RANBP9: variants seen among roughly 807,000 people sequenced by gnomAD.
The protein encoded by RANBP9 is RAN binding protein 9.
In RANBP9, 15 loss-of-function variants were observed where a neutral mutation model predicts 84.3. The observed-to-expected ratio is 0.18, with a 90% CI of 0.12 to 0.27. RANBP9 has a LOEUF of 0.27. RANBP9 is among the 10% of genes least tolerant of loss of function. The probability of loss-of-function intolerance (pLI) is 1.00; values close to 1 mark genes in which losing one functional copy is unlikely to be tolerated. For missense variants in RANBP9, 809 were observed against 912.8 expected (o/e 0.89, Z 1.46); for synonymous variants, 392 against 349.6 (o/e 1.12, Z -1.35).
rs1372978581 is a variant in RANBP9 at position 13,696,730 on chromosome 6, T to C, written c.683+55A>G. ...AACTTTCCAATTACATCATAAACAT[T>C]ATGAACCAAAACAAAAAAACTAGCA... On this transcript the variant is annotated intron_variant, in intron 2 of 13. Transcript: ENST00000011619. The C allele has an allele frequency of 4.9e-6, 7 of 1,441,824 alleles. 1 individual carries two copies. Among genetic ancestry groups the C allele is most frequent in the South Asian group, 4.8e-5 (4 of 82,938 alleles). The allele number at this position is 1,441,824 out of a possible 1,614,324, so 89.3% of individuals were successfully genotyped here.
At chr6:13,705,918 A>G (rs1490513392) in intron 1 of RANBP9, among the ~76,000 whole-genome samples, 2 of 151,440 alleles carry the variant, frequency 1.3e-5, no homozygotes, top group Non-Finnish European at 2.9e-5. Context: ...CGTAATGCTT[A>G]ACAGACATTT....
rs758867882 is a variant in RANBP9 at position 13,711,471 on chromosome 6, T to TGCTGCG, written c.29_34dup (p.Pro10_Gln11dup). The TGCTGCG allele has an allele frequency of 5.6e-6, 7 of 1,239,944 alleles. No homozygotes were observed. The highest frequency in any genetic ancestry group is 3.3e-4 in the Middle Eastern group (1 of 3,054). The allele number at this position is 1,239,944 out of a possible 1,614,324, so 76.8% of individuals were successfully genotyped here. On this transcript the variant is annotated inframe_insertion, in exon 1 of 14. Coordinates refer to ENST00000011619, the MANE Select transcript of RANBP9 (RefSeq NM_005493.3). ...CGACAGCTGCTGCTGCTGTTGCTGC[T>TGCTGCG]GCTGCGGCGGCGGCGGCGGCGGCTG...
rs748662267 is a variant in RANBP9 at position 13,622,408 on chromosome 6, C to G, written c.2144G>C (p.Gly715Ala). The G allele has an allele frequency of 1.9e-6, 3 of 1,600,416 alleles. No individual in the cohort carries two copies. Among genetic ancestry groups the G allele is most frequent in the Non-Finnish European group, 2.6e-6 (3 of 1,172,990 alleles). Residue 715 changes from glycine to alanine, a missense_variant, in exon 14 of 14, where the codon GGA becomes GCA. By Grantham distance (60) the Gly-to-Ala change is moderately conservative. Transcript: ENST00000011619. ...TQCLGLMARSGIGSCAFATVE... is the reference protein window; with the variant it reads ...TQCLGLMARSAIGSCAFATVE... ...TGTGGCAAATGCGCAGGATCCAATT[C>G]CTGATCGAGCCATCAGTCCTAGACA...
intron 8 of RANBP9, among the ~76,000 whole-genome samples, chr6:13,640,779 TTGGGAAGATGGAGAAGTTCTGGAG>T (rs1432690687): frequency 2.6e-5 from 4 of 152,094 alleles, no homozygotes; most frequent in Admixed American, 1.3e-4. Flanking sequence ...GAGTTTCAGT[TTGGGAAGATGGAGAAGTTCTGGAG>T]TCGGATGGTG....
intron 5 of RANBP9, among the ~76,000 whole-genome samples, chr6:13,651,286 GAA>G (rs1562305267): frequency 1.3e-5 from 2 of 152,166 alleles, no homozygotes; most frequent in African/African-American, 4.8e-5. Context: ...AACCTCTACC[GAA>G]GAGAGTTACT....
rs146295151 is a variant in RANBP9, at chr6:13,653,337, A to G, written c.905-656T>C. On this transcript the variant is annotated intron_variant, in intron 4 of 13. Transcript: ENST00000011619. ...TCTAGATACAACTTGAGCAATGGCA[A>G]TATCATTGGAATAAGTCTACTGTCA... Among the ~76,000 whole-genome samples the G allele has an allele frequency of 3.1e-4, 47 of 152,318 alleles. No homozygotes were observed. In the East Asian group the frequency reaches 7.7e-3, roughly 25 times the overall value.
chr6:13,686,426 G>C (rs113029385), intron 2 of RANBP9, among the ~76,000 whole-genome samples: 1,967 of 151,996 alleles, frequency 0.013, 46 homozygotes, highest in African/African-American at 0.045. Context: ...ACTGGGTACA[G>C]GAATGCGCCA....
intron 7 of RANBP9, among the ~76,000 whole-genome samples, chr6:13,641,811 C>G (rs1765070452): frequency 6.6e-6 from 1 of 152,136 alleles, no homozygotes; most frequent in Admixed American, 6.6e-5. Context: ...TAGAAAAGGA[C>G]AGCACACAAT....
intron 3 of RANBP9, among the ~76,000 whole-genome samples, chr6:13,657,486 A>T (rs922906775): frequency 6.6e-6 from 1 of 152,236 alleles, no homozygotes; most frequent in Non-Finnish European, 1.5e-5. Flanking sequence ...TACACAGAAC[A>T]CTAAAACAAA....
At chr6:13,703,844 C>A (rs188707399) in intron 1 of RANBP9, among the ~76,000 whole-genome samples, 1 of 152,336 alleles carries the variant, frequency 6.6e-6, no homozygotes, top group Admixed American at 6.5e-5. Context: ...AGGCTTGTTT[C>A]TTTGGCTTCT....
chr6:13,629,895 GTCTC>G (rs35437953), intron 12 of RANBP9, among the ~76,000 whole-genome samples: 1,624 of 143,864 alleles, frequency 0.011, 15 homozygotes, highest in African/African-American at 0.016. Context: ...TCATGTCTCT[GTCTC>G]TCTCTCTCTC....
chr6:13,658,625 C>CA (rs919237576), intron 3 of RANBP9, among the ~76,000 whole-genome samples, 155 bp downstream of exon 3: 3 of 151,886 alleles, frequency 2.0e-5, no homozygotes, highest in Non-Finnish European at 2.9e-5. Context: ...CAAAACAAAA[C>CA]AAAAAAACCC....
intron 1 of RANBP9, among the ~76,000 whole-genome samples, chr6:13,706,951 A>C (rs541032937): frequency 6.7e-6 from 1 of 150,248 alleles, no homozygotes; most frequent in Non-Finnish European, 1.5e-5. Flanking sequence ...GGCTGCAATG[A>C]GTAGAGATTG....
intron 2 of RANBP9, among the ~76,000 whole-genome samples, chr6:13,683,824 G>C (rs1429088444): frequency 2.6e-5 from 4 of 151,812 alleles, no homozygotes; most frequent in Non-Finnish European, 5.9e-5. Context: ...AACTGACAGA[G>C]TAAGAGGTAA....
At chr6:13,663,640 A>G (rs1765581786) in intron 2 of RANBP9, among the ~76,000 whole-genome samples, 1 of 152,154 alleles carries the variant, frequency 6.6e-6, no homozygotes, top group Admixed American at 6.5e-5. Context: ...TAGAATGGCT[A>G]AAAATAGCAG....
chr6:13,709,081 A>T (rs143213665), intron 1 of RANBP9, among the ~76,000 whole-genome samples: 67 of 152,374 alleles, frequency 4.4e-4, no homozygotes, highest in African/African-American at 1.5e-3. Flanking sequence ...AAAACAACTG[A>T]GACAGCAGTG....
At position 13,644,579 on chromosome 6, in the gene RANBP9, C is replaced by A. The variant is rs1467285843; in HGVS notation, c.1078G>T (p.Asp360Tyr). Residue 360 changes from aspartate (D) to tyrosine (Y), a missense_variant, in exon 6 of 14, where the codon GAT (aspartate) becomes TAT (tyrosine). By Grantham distance (160) the Asp-to-Tyr change is radical (BLOSUM62 -3). Transcript: ENST00000011619. ...QAQIDRFPIG[D>Y]REGEWQTMIQ... is the part of the protein sequence containing the mutation. ...ATGGTCTGCCATTCTCCTTCTCGAT[C>A]TCCGATAGGAAATCGATCTATCTGT... The A allele has an allele frequency of 6.2e-7, 1 of 1,612,916 alleles. No individual in the cohort carries two copies. The highest frequency in any genetic ancestry group is 1.1e-5 in the South Asian group (1 of 90,858).
intron 5 of RANBP9, among the ~76,000 whole-genome samples, chr6:13,652,296 C>T (rs1765315755): frequency 6.6e-6 from 1 of 152,196 alleles, no homozygotes; most frequent in Admixed American, 6.5e-5. Flanking sequence ...AAGCACTTTA[C>T]CTGCCACATA....
At chr6:13,643,771 T>C (rs1023059981) in intron 6 of RANBP9, among the ~76,000 whole-genome samples, 2 of 152,164 alleles carry the variant, frequency 1.3e-5, no homozygotes, top group South Asian at 4.1e-4. Flanking sequence ...TGCATCAGGG[T>C]TGTCTATTCT....
Sources: allele counts gnomAD v4.1 joint callset (sites outside exome capture counted in the v4.1 genomes callset), GRCh38; gene constraint gnomAD v4.1.1; transcripts MANE v1.5; gene names NCBI Gene and HGNC (gene_info 2026-07-23, HGNC 2026-07-21).